The following PRKAR1B variants were observed in gnomAD, a reference collection of about 807,000 sequenced individuals.
PRKAR1B encodes cAMP-dependent protein kinase type I-beta regulatory subunit.
PRKAR1B carries 22 observed loss-of-function variants against 46.5 expected under a neutral mutation model. The observed-to-expected ratio is 0.47, with a 90% CI of 0.34 to 0.68. The LOEUF (loss-of-function observed/expected upper bound fraction) is 0.68. Ranked by LOEUF, PRKAR1B falls within the 30% of genes least tolerant of loss-of-function variation. The pLI is 0.01. For missense variants in PRKAR1B, 445 were observed against 535.6 expected, an observed-to-expected ratio of 0.83 and a Z score of 1.67; for synonymous variants, 259 against 217.7, an observed-to-expected ratio of 1.19 and a Z score of -1.67.
intron 2 of PRKAR1B, among the ~76,000 whole-genome samples, chr7:689,939 C>G (rs866715037): frequency 4.9e-4 from 75 of 151,702 alleles, no homozygotes; most frequent in Middle Eastern, 3.4e-3. Context: ...CCTCGGCCTC[C>G]CAAAGTGCTG....
chr7:645,013 G>A (rs1330486542), intron 4 of PRKAR1B, among the ~76,000 whole-genome samples: 2 of 152,188 alleles, frequency 1.3e-5, no homozygotes, highest in Non-Finnish European at 2.9e-5. Flanking sequence ...CAGTGTGGAC[G>A]AGTGAGGGCA....
chr7:705,046 C>T (rs1185193073), intron 2 of PRKAR1B, among the ~76,000 whole-genome samples: 2 of 151,974 alleles, frequency 1.3e-5, no homozygotes, highest in Admixed American at 1.3e-4. Context: ...AATCCCAGCA[C>T]TTTGGGAGGC....
At chr7:632,015 A>G (rs1783776758) in intron 4 of PRKAR1B, among the ~76,000 whole-genome samples, 1 of 151,866 alleles carries the variant, frequency 6.6e-6, no homozygotes, top group African/African-American at 2.4e-5. Context: ...AATCTCCAAG[A>G]GAAACCGTAA....
chr7:711,532 C>T lies in PRKAR1B; in HGVS notation c.-22-5G>A. 6.2e-7 allele frequency: 1 copy of T among 1,609,302 alleles called. No individual in the cohort carries two copies. The highest frequency in any genetic ancestry group is 8.5e-7 in the Non-Finnish European group (1 of 1,177,468). On this transcript the variant is annotated splice_polypyrimidine_tract_variant and splice_region_variant and intron_variant, in intron 1 of 10. Coordinates refer to ENST00000537384, the MANE Select transcript of PRKAR1B (RefSeq NM_001164760.2). ...GCGAGGGTGGCTGCTTCCTTCCTGT[C>T]CAGAAAACACACAGATCCCCAGGCC...
chr7:558,934 T>A (rs1042285664), intron 9 of PRKAR1B, among the ~76,000 whole-genome samples: 6 of 152,054 alleles, frequency 3.9e-5, no homozygotes, highest in Non-Finnish European at 5.9e-5. Flanking sequence ...ACAGGGTCCC[T>A]CCCTTTGGGT....
rs116147645 is a variant in PRKAR1B, at chr7:644,372, G to A, written c.440+32857C>T. Among the ~76,000 whole-genome samples, 90 of 152,298 alleles carry A rather than the reference G, an allele frequency of 5.9e-4. No individual in the cohort carries two copies. The highest frequency in any genetic ancestry group is 1.9e-3 in the African/African-American group (79 of 41,560). ...CACAATGAGGTGGGGAAACTGAGGCGCGCACATTCGGAACGGGGTTTTGCT... is the reference window on the plus strand; with the variant it reads ...CACAATGAGGTGGGGAAACTGAGGCACGCACATTCGGAACGGGGTTTTGCT... On this transcript the variant is annotated intron_variant, in intron 4 of 10. Coordinates refer to ENST00000537384, the MANE Select transcript of PRKAR1B (RefSeq NM_001164760.2). This position sits in a 1 kb window ranked among gnomAD's most constrained non-coding sequence, Gnocchi z 4.9.
rs1010606993 is a variant in PRKAR1B, at chr7:579,057, C to G, written c.891+199G>C. The G allele has an allele frequency of 3.5e-5, 34 of 985,360 alleles. No individual in the cohort carries two copies. The South Asian group carries it at 4.2e-4, about 12-fold the overall frequency. 61.0% of individuals were successfully genotyped at this position (985,360 alleles called of 1,614,324 possible). A position where few individuals can be genotyped will look rare whatever the true frequency, so the allele number is the denominator to read the frequency against. On this transcript the variant is annotated intron_variant, in intron 9 of 10. Coordinates refer to ENST00000537384, the MANE Select transcript of PRKAR1B (RefSeq NM_001164760.2). ...TTTCTAAGAAGGGAGGCTTTTGATG[C>G]TAGAGGGCAGGAGGAATCTCAGTGG...
Position 666,653 on chromosome 7 carries a change from TG to T in PRKAR1B, c.440+10575del, listed in dbSNP as rs1396787528. Among the ~76,000 whole-genome samples, 1 of 152,144 alleles carries T rather than the reference TG, an allele frequency of 6.6e-6. No individual in the cohort carries two copies. The highest frequency in any genetic ancestry group is 1.5e-5 in the Non-Finnish European group (1 of 68,020). ...GGTCTCAGAGCTCTGTTCAGTACAG[TG>T]AGGTGGGGACAAGGTGGCCTCCTAG... On this transcript the variant is annotated intron_variant, in intron 4 of 10. Transcript: ENST00000537384. The surrounding 1 kb of genome is among the most constrained non-coding windows in gnomAD (Gnocchi z 4.9).
chr7:697,403 G>A (rs115282765), intron 2 of PRKAR1B, among the ~76,000 whole-genome samples: 2 of 152,200 alleles, frequency 1.3e-5, no homozygotes, highest in East Asian at 1.9e-4. Context: ...AGCCTGCCCC[G>A]TCCCACTGAA....
rs578258916 is a variant in PRKAR1B, at chr7:551,556, C to A, written c.892-86G>T. ...TGAGGGGTCACCCCACAGGGGGTCA[C>A]CACCCAAACCCCCACCTCCCACCCA... On this transcript the variant is annotated intron_variant, in intron 9 of 10. Transcript: ENST00000537384. 3.8e-6 allele frequency: 5 copies of A among 1,314,494 alleles called. No homozygotes were observed. In the East Asian group the frequency reaches 1.3e-4, roughly 33 times the overall value. The allele number at this position is 1,314,494 out of a possible 1,614,324, so 81.4% of individuals were successfully genotyped here.
chr7:628,196 A>G (rs528453164), intron 4 of PRKAR1B, among the ~76,000 whole-genome samples: 23 of 152,258 alleles, frequency 1.5e-4, no homozygotes, highest in Non-Finnish European at 4.4e-5. Flanking sequence ...TATTTGCTCA[A>G]CCAGACTCAG....
At chr7:606,764 A>ATGTGTGTG (rs1468591920) in intron 5 of PRKAR1B, among the ~76,000 whole-genome samples, 1 of 104,012 alleles carries the variant, frequency 9.6e-6, no homozygotes, top group African/African-American at 3.7e-5. Context: ...TGAGAATTTT[A>ATGTGTGTG]TGCGTGTGTG....
At chr7:604,161 G>A (rs571292130) in intron 6 of PRKAR1B, among the ~76,000 whole-genome samples, 2 of 152,328 alleles carry the variant, frequency 1.3e-5, no homozygotes, top group African/African-American at 2.4e-5. Flanking sequence ...GCACAACGGG[G>A]CCACCTCCTG....
intron 4 of PRKAR1B, among the ~76,000 whole-genome samples, chr7:673,225 C>A (rs983788175): frequency 3.9e-5 from 6 of 152,082 alleles, no homozygotes; most frequent in Non-Finnish European, 8.8e-5. Context: ...CTCTCTCTTC[C>A]TCAGGGTCCC....
intron 4 of PRKAR1B, among the ~76,000 whole-genome samples, chr7:617,477 T>C (rs1365773606): frequency 2.0e-5 from 3 of 152,004 alleles, no homozygotes; most frequent in East Asian, 3.9e-4. Context: ...ACTAACGAAG[T>C]GCCATTTTAA....
chr7:723,686 G>T (rs1781153284), intron 1 of PRKAR1B, among the ~76,000 whole-genome samples: 1 of 152,218 alleles, frequency 6.6e-6, no homozygotes, highest in Non-Finnish European at 1.5e-5. Flanking sequence ...CTTGAAAAAT[G>T]CAGACTCGAT....
chr7:595,782 A>G (rs1476346418), intron 7 of PRKAR1B, among the ~76,000 whole-genome samples: 1 of 152,186 alleles, frequency 6.6e-6, no homozygotes, highest in Non-Finnish European at 1.5e-5. Context: ...GTGAGCAGCC[A>G]CCGTGTCGGC....
At chr7:657,851 C>T (rs67365111) in intron 4 of PRKAR1B, among the ~76,000 whole-genome samples, 16,501 of 152,124 alleles carry the variant, frequency 0.11, 974 homozygotes, top group South Asian at 0.26. Flanking sequence ...GGCTCAGGGG[C>T]GCTTTCATTT....
chr7:635,159 C>G (rs10249693), intron 4 of PRKAR1B, among the ~76,000 whole-genome samples: 10,153 of 152,246 alleles, frequency 0.067, 377 homozygotes, highest in Middle Eastern at 0.1. Flanking sequence ...GGAGATTTCA[C>G]CAAAAAACCG....
Sources: gnomAD v4.1 joint callset for allele counts (sites outside exome capture counted in the v4.1 genomes callset) on GRCh38, gnomAD v4.1.1 for gene constraint, Gnocchi (gnomAD v3.1) non-coding constraint, MANE v1.5 for transcripts, NCBI Gene and HGNC (gene_info 2026-07-23, HGNC 2026-07-21) for gene names.